Variants in TMPRSS2 observed in about 807,000 individuals in gnomAD.
TMPRSS2 encodes transmembrane protease serine 2.
A neutral mutation model predicts 67.4 loss-of-function variants in TMPRSS2; 59 were observed. That is an observed-to-expected ratio of 0.88 (90% CI 0.71 to 1.09). The LOEUF is 1.09. TMPRSS2 is among the 50% of genes least tolerant of loss of function. TMPRSS2 has a pLI of 0.00. For missense variants in TMPRSS2, 668 were observed against 642.7 expected, an observed-to-expected ratio of 1.04 and a Z score of -0.43; for synonymous variants, 257 against 257.0, an observed-to-expected ratio of 1.00 and a Z score of 0.00.
At chr21:41,485,581 C>T (rs1039757132) in intron 5 of TMPRSS2, among the ~76,000 whole-genome samples, 1 of 150,144 alleles carries the variant, frequency 6.7e-6, no homozygotes, top group Non-Finnish European at 1.5e-5. Flanking sequence ...CCCAGGACAT[C>T]GAAGTTGCAG....
Position 41,465,857 on chromosome 21 carries a change from TCTC to T in TMPRSS2, c.*282_*284del, listed in dbSNP as rs1233550057. 2.1e-6 allele frequency: 1 copy of T among 476,372 alleles called. No individual in the cohort carries two copies. The highest frequency in any genetic ancestry group is 3.7e-6 in the Non-Finnish European group (1 of 267,344). The allele number at this position is 476,372 out of a possible 1,614,324, so 29.5% of individuals were successfully genotyped here. A position where few individuals can be genotyped will look rare whatever the true frequency, so the allele number is the denominator to read the frequency against. On this transcript the variant is annotated 3_prime_UTR_variant, in exon 14 of 14. Transcript: ENST00000332149. Reference sequence around the variant, plus strand: ...CCCTGGAAAGGACTCAGCAGGAAGATCTCAATGGGGCAGCCTCCACCCCTCTCC... The same window carrying T: ...CCCTGGAAAGGACTCAGCAGGAAGATAATGGGGCAGCCTCCACCCCTCTCC...
In TMPRSS2 at chr21:41,498,208, G is replaced by T; in HGVS notation, c.-56-19C>A. 6.5e-7 allele frequency: 1 copy of T among 1,543,912 alleles called. No homozygotes were observed. Among genetic ancestry groups the T allele is most frequent in the Middle Eastern group, 1.7e-4 (1 of 5,928 alleles). Reference sequence around the variant, plus strand: ...ATATGACCTAGAAGAAAGAATTACAGGACTGTAATATTTCCATACCAGTTA... The same window carrying T: ...ATATGACCTAGAAGAAAGAATTACATGACTGTAATATTTCCATACCAGTTA... On this transcript the variant is annotated intron_variant, in intron 1 of 13. Transcript: ENST00000332149.
intron 6 of TMPRSS2, 76 bp downstream of exon 6, chr21:41,480,400 A>G: frequency 6.3e-7 from 1 of 1,575,772 alleles, no homozygotes; most frequent in East Asian, 2.3e-5. Flanking sequence ...GTGCTTTCAC[A>G]GGGAGGCAGA....
chr21:41,492,178 G>A (rs1254695293), intron 3 of TMPRSS2, among the ~76,000 whole-genome samples: 1 of 152,084 alleles, frequency 6.6e-6, no homozygotes, highest in Admixed American at 6.6e-5. Context: ...GGGTGACAGA[G>A]CGAGACTTTG....
rs1476788051 is a variant in TMPRSS2 at position 41,494,530 on chromosome 21, G to A, written c.64C>T (p.Pro22Ser). 2 of 1,613,896 alleles carry A rather than the reference G, an allele frequency of 1.2e-6. No homozygotes were observed. Among genetic ancestry groups the A allele is most frequent in the Middle Eastern group, 1.7e-4 (1 of 6,056 alleles). The part of the protein sequence containing the change: ...GPYYENHGYQ[P>S]ENPYPAQPTV... ...GGCTGTGCGGGATAGGGGTTTTCCG[G>A]TTGGTATCCATGGTTTTCATAGTAA... is the stretch of plus-strand genomic sequence containing the variant. The change falls in exon 3 of 14, where the codon CCG becomes TCG. Residue 22 changes from proline (P) to serine (S), a missense_variant. Physicochemically the swap from Pro to Ser is moderately conservative, Grantham distance 74. Coordinates refer to ENST00000332149, the MANE Select transcript of TMPRSS2 (RefSeq NM_005656.4).
rs539123545 is a variant in TMPRSS2, at chr21:41,501,352, T to C, written c.-56-3163A>G. ...GGCCGGGCACGGCGGCTCCTGCCTA[T>C]AATTCCAGCACTTTGGGAGGCCAAG... On this transcript the variant is annotated intron_variant, in intron 1 of 13. Coordinates refer to ENST00000332149, the MANE Select transcript of TMPRSS2 (RefSeq NM_005656.4). Among the ~76,000 whole-genome samples, 3 of 152,324 alleles carry C rather than the reference T, an allele frequency of 2.0e-5. No homozygotes were observed. In the South Asian group the frequency reaches 6.2e-4, roughly 32 times the overall value.
At chr21:41,469,646 C>A (rs2091113697) in intron 11 of TMPRSS2, among the ~76,000 whole-genome samples, 2 of 152,170 alleles carry the variant, frequency 1.3e-5, no homozygotes, top group African/African-American at 4.8e-5. Flanking sequence ...ACCACCCCTT[C>A]AAAATAGCCG....
At chr21:41,482,377 T>C (rs889105037) in intron 5 of TMPRSS2, among the ~76,000 whole-genome samples, 2 of 152,098 alleles carry the variant, frequency 1.3e-5, no homozygotes, top group Non-Finnish European at 2.9e-5. Flanking sequence ...CAGAGCATCA[T>C]GAACAGGAAG....
At position 41,488,478 on chromosome 21, in the gene TMPRSS2, C is replaced by T. The variant is rs199865751; in HGVS notation, c.361G>A (p.Asp121Asn). The T allele has an allele frequency of 2.4e-5, 39 of 1,613,670 alleles. No individual in the cohort carries two copies. The highest frequency in any genetic ancestry group is 1.7e-4 in the Middle Eastern group (1 of 6,056). Residue 121 changes from aspartate to asparagine, a missense_variant, in exon 5 of 14, where the codon GAC (aspartate) becomes AAC (asparagine). By Grantham distance (23) the Asp-to-Asn change is conservative (BLOSUM62 1). Transcript: ENST00000332149. ...GGGTTGATGCAGGTACCTGAGGAGT[C>T]GCACTCTATCCCAGAGTTGGAGCAC... is the stretch of plus-strand genomic sequence containing the variant. ...SKCSNSGIEC[D>N]SSGTCINPSN...
chr21:41,469,420 C>T (rs1172271226), intron 11 of TMPRSS2, among the ~76,000 whole-genome samples: 7 of 152,082 alleles, frequency 4.6e-5, no homozygotes, highest in African/African-American at 1.7e-4. Flanking sequence ...GCTGCCAGAT[C>T]ATGGCACTCC....
At chr21:41,503,371 T>C (rs545910743) in intron 1 of TMPRSS2, among the ~76,000 whole-genome samples, 7 of 152,298 alleles carry the variant, frequency 4.6e-5, no homozygotes, top group African/African-American at 1.7e-4. Flanking sequence ...AAAGAACTTG[T>C]CCAAGTCAAT....
intron 2 of TMPRSS2, among the ~76,000 whole-genome samples, chr21:41,496,788 C>T (rs2091385512): frequency 7.0e-6 from 1 of 142,104 alleles, no homozygotes; most frequent in Non-Finnish European, 1.5e-5. Flanking sequence ...CCATGCAAAA[C>T]TTTTTCCTAT....
intron 5 of TMPRSS2, among the ~76,000 whole-genome samples, chr21:41,483,398 C>T (rs1320121255): frequency 1.3e-5 from 2 of 152,026 alleles, no homozygotes; most frequent in African/African-American, 2.4e-5. Flanking sequence ...ATTCTCCTGA[C>T]TCAGCCTCAT....
rs533285369 is a variant in TMPRSS2 at position 41,466,128 on chromosome 21, G to A, written c.*14C>T. The A allele has an allele frequency of 1.7e-5, 27 of 1,613,798 alleles. No individual in the cohort carries two copies. Among genetic ancestry groups the A allele is most frequent in the Admixed American group, 3.3e-5 (2 of 59,988 alleles). ...TTTCTTGTAAAACGACGTCAAGGAC[G>A]AAGACCATGTGGATTAGCCGTCTGC... is the stretch of plus-strand genomic sequence containing the variant. On this transcript the variant is annotated 3_prime_UTR_variant, in exon 14 of 14. Transcript: ENST00000332149.
At chr21:41,502,370 G>A (rs2091430202) in intron 1 of TMPRSS2, 1 of 985,132 alleles carries the variant, frequency 1.0e-6, no homozygotes, top group Non-Finnish European at 1.2e-6. Context: ...AGTCTCCACT[G>A]ACCTCACCGT....
intron 1 of TMPRSS2, among the ~76,000 whole-genome samples, chr21:41,499,226 C>T (rs931406088): frequency 5.3e-5 from 8 of 152,316 alleles, no homozygotes; most frequent in African/African-American, 1.9e-4. Context: ...GAAAAGAAAG[C>T]TGTGGGCCAT....
chr21:41,490,492 G>A (rs1234636084), intron 3 of TMPRSS2, among the ~76,000 whole-genome samples: 2 of 152,244 alleles, frequency 1.3e-5, no homozygotes, highest in Non-Finnish European at 2.9e-5. Flanking sequence ...CAGTGCAGCT[G>A]TAGAACCTTC....
intron 6 of TMPRSS2, among the ~76,000 whole-genome samples, chr21:41,479,841 G>A (rs2091242670): frequency 6.6e-6 from 1 of 152,184 alleles, no homozygotes; most frequent in South Asian, 2.1e-4. Flanking sequence ...CCCGATGCCT[G>A]AGGGCTGCCG....
At chr21:41,472,418 A>G (rs185431815) in intron 9 of TMPRSS2, among the ~76,000 whole-genome samples, 70 of 152,302 alleles carry the variant, frequency 4.6e-4, no homozygotes, top group Non-Finnish European at 9.0e-4. Flanking sequence ...TTTCCCTCTT[A>G]AGAGAATCCC....
Sources: gnomAD v4.1 joint callset for allele counts (sites outside exome capture counted in the v4.1 genomes callset) on GRCh38, gnomAD v4.1.1 for gene constraint, MANE v1.5 for transcripts, NCBI Gene and HGNC (gene_info 2026-07-23, HGNC 2026-07-21) for gene names.